The following EBF3 variants were observed in gnomAD, a reference collection of about 807,000 sequenced individuals.
EBF3 encodes EBF transcription factor 3.
Under a neutral mutation model 77.1 loss-of-function variants are expected in EBF3, and 18 were observed. The observed-to-expected ratio is 0.23, with a 90% CI of 0.16 to 0.35. The LOEUF (loss-of-function observed/expected upper bound fraction) is 0.35, where lower values mean the gene tolerates loss of function less well. Among genes scored for constraint, EBF3 ranks in the 10% least tolerant of loss-of-function variants. The probability of loss-of-function intolerance (pLI) is 1.00; values close to 1 mark genes in which losing one functional copy is unlikely to be tolerated. For synonymous variants in EBF3, 350 were observed against 343.5 expected, an observed-to-expected ratio of 1.02 and a Z score of -0.21; for missense variants, 558 against 860.0, an observed-to-expected ratio of 0.65 and a Z score of 4.39.
At chr10:129,918,931 C>T (rs1003497132) in intron 6 of EBF3, among the ~76,000 whole-genome samples, 1 of 152,216 alleles carries the variant, frequency 6.6e-6, no homozygotes, top group African/African-American at 2.4e-5. Flanking sequence ...AGTCAATAAA[C>T]ACTTGAGCTG....
At chr10:129,849,812 CCT>C (rs1371572640) in intron 10 of EBF3, among the ~76,000 whole-genome samples, 2 of 152,162 alleles carry the variant, frequency 1.3e-5, no homozygotes, top group African/African-American at 2.4e-5. Context: ...GGGATTTTGC[CCT>C]CTTTTTTCTT....
At chr10:129,849,782 T>C (rs572778163) in intron 10 of EBF3, among the ~76,000 whole-genome samples, 1 of 152,398 alleles carries the variant, frequency 6.6e-6, no homozygotes, top group African/African-American at 2.4e-5. Flanking sequence ...GTATTGATTT[T>C]ACATGACATG....
chr10:129,883,505 A>G (rs1487723880), intron 6 of EBF3, among the ~76,000 whole-genome samples: 1 of 152,200 alleles, frequency 6.6e-6, no homozygotes, highest in African/African-American at 2.4e-5. Flanking sequence ...AATAAGCAGC[A>G]AACTCATACA....
Position 129,842,252 on chromosome 10 carries a change from C to G in EBF3, c.1236G>C (p.Leu412=), listed in dbSNP as rs1282951468. Residue 412 remains leucine, a synonymous_variant, in exon 13 of 17, where the codon CTG becomes CTC. Coordinates refer to ENST00000440978, the MANE Select transcript of EBF3 (RefSeq NM_001375380.1). The surrounding 1 kb of genome is among the most constrained non-coding windows in gnomAD (Gnocchi z 4.4). The part of the protein sequence containing the change: ...LKRAADIAEA[L]YSVPRNHNQI... ...GGTTGTGATTGCGGGGAACGCTGTA[C>G]AGCGCCTCGGCGATGTCCGCCGCTC... The G allele has an allele frequency of 6.2e-7, 1 of 1,612,362 alleles. No homozygotes were observed. The highest frequency in any genetic ancestry group is 2.2e-5 in the East Asian group (1 of 44,792).
chr10:129,963,959 CCAG>C lies in EBF3; in HGVS notation c.-194_-192del. On this transcript the variant is annotated 5_prime_UTR_variant, in exon 1 of 17. Transcript: ENST00000440978. The surrounding 1 kb of genome is among the most constrained non-coding windows in gnomAD (Gnocchi z 7.1). ...ACCAGCGGCCGGGCGCTCCGGACGG[CCAG>C]GGGCGCGGAGGCGGCTCCACCGGCG... is the stretch of plus-strand genomic sequence containing the variant. 1 of 1,034,368 alleles carries C rather than the reference CCAG, an allele frequency of 9.7e-7. No homozygotes were observed. Among genetic ancestry groups the C allele is most frequent in the Non-Finnish European group, 1.2e-6 (1 of 863,884 alleles). The allele number at this position is 1,034,368 out of a possible 1,614,324, so 64.1% of individuals were successfully genotyped here. A position where few individuals can be genotyped will look rare whatever the true frequency, so the allele number is the denominator to read the frequency against.
intron 10 of EBF3, among the ~76,000 whole-genome samples, chr10:129,857,180 G>A (rs538216580): frequency 6.6e-6 from 1 of 152,338 alleles, no homozygotes; most frequent in South Asian, 2.1e-4. Flanking sequence ...CTAAGGCAGA[G>A]ACGCTTTAAA....
intron 5 of EBF3, among the ~76,000 whole-genome samples, chr10:129,958,089 TAAAG>T (rs1164120285): frequency 2.0e-5 from 3 of 152,230 alleles, no homozygotes; most frequent in Non-Finnish European, 4.4e-5. Flanking sequence ...AAGTGGATAA[TAAAG>T]AAATTCCACT....
At chr10:129,838,004 G>T in intron 16 of EBF3, 44 bp from the exon 17 acceptor site, 1 of 1,612,892 alleles carries the variant, frequency 6.2e-7, no homozygotes, top group Non-Finnish European at 8.5e-7. Flanking sequence ...GCTCCCCCAC[G>T]CGCCCTCCCG....
chr10:129,952,045 G>A lies in EBF3; in HGVS notation c.554+5213C>T, dbSNP rs1858720130. ...GCCAGCCAGAATCAGATTCTTTGTA[G>A]CCACATCCATTCATCCAAAAGGTGT... On this transcript the variant is annotated intron_variant, in intron 6 of 16. Transcript: ENST00000440978. The surrounding 1 kb of genome is among the most constrained non-coding windows in gnomAD (Gnocchi z 4.7). Among the ~76,000 whole-genome samples, 1 of 152,216 alleles carries A rather than the reference G, an allele frequency of 6.6e-6. No homozygotes were observed. Among genetic ancestry groups the A allele is most frequent in the South Asian group, 2.1e-4 (1 of 4,832 alleles).
chr10:129,895,461 G>A (rs531782010), intron 6 of EBF3, among the ~76,000 whole-genome samples: 2 of 152,244 alleles, frequency 1.3e-5, no homozygotes, highest in South Asian at 2.1e-4. Flanking sequence ...TACTGGAGAA[G>A]CTCCCTTGTT....
intron 6 of EBF3, among the ~76,000 whole-genome samples, chr10:129,942,182 A>G (rs150016923): frequency 1.0e-3 from 154 of 152,300 alleles, no homozygotes; most frequent in African/African-American, 3.6e-3. Context: ...GCTTTTAGGA[A>G]GATAAAAATT....
rs573455309 is a variant in EBF3 at position 129,963,660 on chromosome 10, C to A, written c.109G>T (p.Val37Leu). 47 of 1,498,124 alleles carry A rather than the reference C, an allele frequency of 3.1e-5. No homozygotes were observed. In the South Asian group the frequency reaches 5.4e-4, roughly 17 times the overall value. 92.8% of individuals were successfully genotyped at this position (1,498,124 alleles called of 1,614,324 possible). ...CTCTGGGCGGCCGTGTTGGCGTCCA[C>A]CACGCCCGCCGTGTGCATCCACGAG... Reference protein sequence around the residue: ...VRSWMHTAGVVDANTAAQSGV... With the variant: ...VRSWMHTAGVLDANTAAQSGV... The change falls in exon 1 of 17, where the codon GTG (valine) becomes TTG (leucine). Residue 37 changes from valine (V) to leucine (L), a missense_variant. Val to Leu is a conservative substitution (Grantham distance 32). Coordinates refer to ENST00000440978, the MANE Select transcript of EBF3 (RefSeq NM_001375380.1). The surrounding 1 kb of genome is among the most constrained non-coding windows in gnomAD (Gnocchi z 7.1).
chr10:129,881,255 G>T (rs1216347110), intron 6 of EBF3, among the ~76,000 whole-genome samples: 2 of 152,152 alleles, frequency 1.3e-5, no homozygotes, highest in African/African-American at 2.4e-5. Flanking sequence ...CCTGTCATTA[G>T]TACATTATGC....
At position 129,963,423 on chromosome 10, in the gene EBF3, C is replaced by A; in HGVS notation, c.235G>T (p.Gly79Trp). ...GTCCTTTCAATCTCCACCGGCTGCC[C>A]CTGCCTATCGTAGAGCGCCAGCACG... ...HFVLALYDRQ[G>W]QPVEIERTAF... Residue 79 changes from glycine (G) to tryptophan (W), a missense_variant, in exon 2 of 17, where the codon GGG (glycine) becomes TGG (tryptophan). This residue lies in a region of EBF3 where 84 missense variants were observed against 142.3 expected (regional missense o/e 0.59). Coordinates refer to ENST00000440978, the MANE Select transcript of EBF3 (RefSeq NM_001375380.1). The surrounding 1 kb of genome is among the most constrained non-coding windows in gnomAD (Gnocchi z 7.1). 1.9e-6 allele frequency: 3 copies of A among 1,593,114 alleles called. No individual in the cohort carries two copies. The highest frequency in any genetic ancestry group is 1.4e-5 in the African/African-American group (1 of 73,024).
intron 10 of EBF3, among the ~76,000 whole-genome samples, chr10:129,859,793 C>T (rs1851494696): frequency 6.6e-6 from 1 of 152,194 alleles, no homozygotes; most frequent in Non-Finnish European, 1.5e-5. Flanking sequence ...TAGCACTGGG[C>T]CTGATGTCCA....
At chr10:129,933,291 A>T (rs1857151347) in intron 6 of EBF3, among the ~76,000 whole-genome samples, 1 of 152,234 alleles carries the variant, frequency 6.6e-6, no homozygotes, top group Non-Finnish European at 1.5e-5. Flanking sequence ...ACAGGCTTTG[A>T]ATAATAACTG....
intron 6 of EBF3, among the ~76,000 whole-genome samples, chr10:129,919,838 G>T (rs541961854): frequency 3.3e-5 from 5 of 152,252 alleles, no homozygotes; most frequent in African/African-American, 9.6e-5. Context: ...GCTCTGTTTG[G>T]GTTCGCCACC....
chr10:129,844,215 G>A (rs1005561474), intron 11 of EBF3, among the ~76,000 whole-genome samples: 2 of 151,544 alleles, frequency 1.3e-5, no homozygotes, highest in Non-Finnish European at 1.5e-5. Context: ...AGAGCTCTGC[G>A]GTCTAGGAGA....
At chr10:129,955,726 TTCA>T (rs1215067710) in intron 6 of EBF3, among the ~76,000 whole-genome samples, 2 of 152,244 alleles carry the variant, frequency 1.3e-5, no homozygotes, top group Admixed American at 1.3e-4. Flanking sequence ...ACATGGCTAC[TTCA>T]TCATTGTGGC....
Sources: allele counts gnomAD v4.1 joint callset (sites outside exome capture counted in the v4.1 genomes callset), GRCh38; gene constraint gnomAD v4.1.1; regional missense constraint gnomAD v4.1.1; non-coding constraint Gnocchi (gnomAD v3.1); transcripts MANE v1.5; gene names NCBI Gene and HGNC (gene_info 2026-07-23, HGNC 2026-07-21).